The following DYNC1H1 variants were observed in gnomAD, a reference collection of about 807,000 sequenced individuals.
DYNC1H1 encodes cytoplasmic dynein 1 heavy chain 1.
Under a neutral mutation model 527.1 loss-of-function variants are expected in DYNC1H1, and 51 were observed. The ratio of observed to expected loss-of-function variants is 0.10; its 90% CI spans 0.08 to 0.12. DYNC1H1 has a LOEUF of 0.12. DYNC1H1 is among the 10% of genes least tolerant of loss of function. DYNC1H1 has a pLI of 1.00. For synonymous variants in DYNC1H1, 2,189 were observed against 2,278.8 expected, an observed-to-expected ratio of 0.96 and a Z score of 1.12; for missense variants, 2,771 against 5,971.8, an observed-to-expected ratio of 0.46 and a Z score of 17.66.
At chr14:101,982,947 A>G in intron 5 of DYNC1H1, 72 bp from the exon 6 acceptor site, 1 of 1,556,096 alleles carries the variant, frequency 6.4e-7, no homozygotes, top group Non-Finnish European at 8.8e-7. Context: ...GTTCCATTGT[A>G]ATGGCATATT....
In DYNC1H1 at chr14:102,039,764, A is replaced by G. The variant is rs1191116484; in HGVS notation, c.11690+32A>G. 1.6e-5 allele frequency: 26 copies of G among 1,611,586 alleles called. No individual in the cohort carries two copies. The highest frequency in any genetic ancestry group is 2.2e-5 in the East Asian group (1 of 44,886). On this transcript the variant is annotated intron_variant, in intron 62 of 77. Coordinates refer to ENST00000360184, the MANE Select transcript of DYNC1H1 (RefSeq NM_001376.5). The surrounding 1 kb of genome is among the most constrained non-coding windows in gnomAD (Gnocchi z 7.0). The stretch of plus-strand genomic sequence containing the variant: ...GCACTCACGCCCACAGGAGGATGCC[A>G]TATTGCTGGTGGCCCCCAAGGGTTT...
chr14:102,042,069 A>T lies in DYNC1H1; in HGVS notation c.12159A>T (p.Gly4053=), dbSNP rs115992196. The T allele has an allele frequency of 1.6e-3, 2,553 of 1,614,074 alleles. 37 individuals are homozygous for T. The African/African-American group carries it at 0.031, about 20-fold the overall frequency. The change falls in exon 66 of 78, where the codon GGA becomes GGT. Residue 4053 remains glycine, a synonymous_variant. Transcript: ENST00000360184. The surrounding 1 kb of genome is among the most constrained non-coding windows in gnomAD (Gnocchi z 5.7). ...MCSVPGYDAS[G]HVEDLAAEQN... ...CTGTGCCTGGTTATGATGCCAGTGG[A>T]CATGTCGAGGACCTTGCAGCCGAGC...
chr14:102,021,229 T>C (rs1400232033), intron 42 of DYNC1H1, among the ~76,000 whole-genome samples: 2 of 151,950 alleles, frequency 1.3e-5, no homozygotes, highest in African/African-American at 4.8e-5. Context: ...AATAAAAAAT[T>C]AGCCAGGTGT....
At chr14:102,009,306 C>T (rs2048232174) in intron 29 of DYNC1H1, 1 of 160,848 alleles carries the variant, frequency 6.2e-6, no homozygotes, top group Admixed American at 6.0e-5. Flanking sequence ...GGAGAATTCC[C>T]CAGACCTCCT....
rs954436075 is a variant in DYNC1H1, at chr14:101,987,172, CGT to C, written c.2539-280_2539-279del. ...GGCACAGGAGGAGCTTAACAGAGCA[CGT>C]TTACTTCCTTCTCCCAGATTTACCC... On this transcript the variant is annotated intron_variant, in intron 8 of 77. Coordinates refer to ENST00000360184, the MANE Select transcript of DYNC1H1 (RefSeq NM_001376.5). Among the ~76,000 whole-genome samples the C allele has an allele frequency of 1.2e-3, 189 of 152,354 alleles. 1 individual carries two copies. Among genetic ancestry groups the C allele is most frequent in the Non-Finnish European group, 1.9e-3 (132 of 68,034 alleles).
At chr14:102,046,326 A>G (rs970275159) in intron 72 of DYNC1H1, among the ~76,000 whole-genome samples, 4 of 152,218 alleles carry the variant, frequency 2.6e-5, no homozygotes, top group African/African-American at 9.6e-5. Context: ...TATGGGAAAA[A>G]GTCACGAAAA....
In DYNC1H1 at chr14:101,991,646, C is replaced by T; in HGVS notation, c.2988C>T (p.Leu996=). 1 of 1,614,132 alleles carries T rather than the reference C, an allele frequency of 6.2e-7. No homozygotes were observed. Among genetic ancestry groups the T allele is most frequent in the Non-Finnish European group, 8.5e-7 (1 of 1,180,026 alleles). The change falls in exon 11 of 78, where the codon CTC becomes CTT. Residue 996 remains leucine (L), a synonymous_variant. Transcript: ENST00000360184. ...CCTGGAAGATGGTTGTACTGTCTCT[C>T]CCCAGGATCCAGAGTCAGAGGTACC... The part of the protein sequence containing the change: ...MFAWKMVVLS[L]PRIQSQRYQV...
At chr14:102,028,439 C>T in intron 48 of DYNC1H1, 1 of 387,214 alleles carries the variant, frequency 2.6e-6, no homozygotes, top group Non-Finnish European at 4.9e-6. Context: ...CACTTAAGCC[C>T]AGGAGGCAGA....
chr14:102,003,411 A>G (rs2749895), intron 23 of DYNC1H1, among the ~76,000 whole-genome samples: 31,191 of 151,628 alleles, frequency 0.21, 4,293 homozygotes, highest in African/African-American at 0.38. Context: ...ACAGGTGCCC[A>G]CCACCACACC....
rs1271533090 is a variant in DYNC1H1, at chr14:102,015,066, A to C, written c.7015-39A>C. The C allele has an allele frequency of 6.2e-7, 1 of 1,611,280 alleles. No individual in the cohort carries two copies. The highest frequency in any genetic ancestry group is 8.5e-7 in the Non-Finnish European group (1 of 1,177,590). On this transcript the variant is annotated intron_variant, in intron 34 of 77. Coordinates refer to ENST00000360184, the MANE Select transcript of DYNC1H1 (RefSeq NM_001376.5). The surrounding 1 kb of genome is among the most constrained non-coding windows in gnomAD (Gnocchi z 6.9). ...AATCTTAATGTCCAGGTTTCTTCCA[A>C]ACCTATGTCATTAAATCTGCTTAAT...
Position 101,979,398 on chromosome 14 carries a change from G to A in DYNC1H1, c.424G>A (p.Glu142Lys). The A allele has an allele frequency of 6.2e-7, 1 of 1,614,210 alleles. No individual in the cohort carries two copies. Among genetic ancestry groups the A allele is most frequent in the Non-Finnish European group, 8.5e-7 (1 of 1,180,044 alleles). ...SSQLRVLTLSEDSPYETLHSF... is the reference protein window; with the variant it reads ...SSQLRVLTLSKDSPYETLHSF... ...TCAGCTCCGGGTCCTTACACTCAGT[G>A]AAGACTCGCCCTACGAAACTTTGCA... Residue 142 changes from glutamate (E) to lysine (K), a missense_variant, in exon 3 of 78, where the codon GAA becomes AAA. This residue lies in a region of DYNC1H1 where 146 missense variants were observed against 288.1 expected (regional missense o/e 0.51). Transcript: ENST00000360184. This position sits in a 1 kb window ranked among gnomAD's most constrained non-coding sequence, Gnocchi z 4.6.
intron 17 of DYNC1H1, 25 bp downstream of exon 17, chr14:102,000,169 G>A: frequency 6.2e-7 from 1 of 1,614,122 alleles, no homozygotes. Context: ...GGAGTGGGTG[G>A]AGAATCCCGC....
intron 72 of DYNC1H1, among the ~76,000 whole-genome samples, chr14:102,046,945 C>T (rs1470947616): frequency 6.3e-5 from 9 of 143,432 alleles, no homozygotes; most frequent in African/African-American, 9.8e-5. Context: ...ACCACAGGTG[C>T]CACCACCACA....
rs1177773893 is a variant in DYNC1H1, at chr14:102,017,316, C to T, written c.8055+22C>T. The T allele has an allele frequency of 2.5e-6, 4 of 1,614,096 alleles. No homozygotes were observed. The highest frequency in any genetic ancestry group is 2.2e-5 in the East Asian group (1 of 44,898). On this transcript the variant is annotated intron_variant, in intron 39 of 77. Transcript: ENST00000360184. The surrounding 1 kb of genome is among the most constrained non-coding windows in gnomAD (Gnocchi z 4.6). ...ACAGGTTTGTTTCTATCCACAAGGCCCTTCCTGCCCCACAATGTTTCTTGT... is the reference window on the plus strand; with the variant it reads ...ACAGGTTTGTTTCTATCCACAAGGCTCTTCCTGCCCCACAATGTTTCTTGT...
chr14:102,036,779 A>G lies in DYNC1H1; in HGVS notation c.10908+137A>G, dbSNP rs1372847176. 11 of 1,179,744 alleles carry G rather than the reference A, an allele frequency of 9.3e-6. No individual in the cohort carries two copies. The highest frequency in any genetic ancestry group is 1.1e-5 in the Non-Finnish European group (9 of 800,268). The allele number at this position is 1,179,744 out of a possible 1,614,324, so 73.1% of individuals were successfully genotyped here. Reference sequence around the variant, plus strand: ...AAGCTTTGCGGTGGTTCTGTAATAGATAAATTCAACAGAATCATTATTTGC... The same window carrying G: ...AAGCTTTGCGGTGGTTCTGTAATAGGTAAATTCAACAGAATCATTATTTGC... On this transcript the variant is annotated intron_variant, in intron 57 of 77. Coordinates refer to ENST00000360184, the MANE Select transcript of DYNC1H1 (RefSeq NM_001376.5). This position sits in a 1 kb window ranked among gnomAD's most constrained non-coding sequence, Gnocchi z 5.6.
chr14:102,002,108 G>T lies in DYNC1H1; in HGVS notation c.4542+427G>T, dbSNP rs866761287. The stretch of plus-strand genomic sequence containing the variant: ...TTTTTGTTTGTTTGCTTGCTTTTTT[G>T]TTTTTTTTTTTTCTTTTTTTGAGAT... On this transcript the variant is annotated intron_variant, in intron 21 of 77. Coordinates refer to ENST00000360184, the MANE Select transcript of DYNC1H1 (RefSeq NM_001376.5). The surrounding 1 kb of genome is among the most constrained non-coding windows in gnomAD (Gnocchi z 4.4). 1.7e-4 allele frequency among the ~76,000 whole-genome samples: 24 copies of T among 141,622 alleles called. No homozygotes were observed. The highest frequency in any genetic ancestry group is 4.6e-4 in the African/African-American group (18 of 38,732). 92.9% of individuals were successfully genotyped at this position (141,622 alleles called of 152,430 possible).
At chr14:101,976,556 A>G (rs1050345194) in intron 2 of DYNC1H1, among the ~76,000 whole-genome samples, 1 of 152,136 alleles carries the variant, frequency 6.6e-6, no homozygotes, top group African/African-American at 2.4e-5. Flanking sequence ...AAAGAAAAAA[A>G]AAAAAGGAAA....
rs1567012380 is a variant in DYNC1H1 at position 102,016,126 on chromosome 14, G to GC, written c.7473+42dup. The stretch of plus-strand genomic sequence containing the variant: ...GGGGCTTCACAGAGCTCACCACTGC[G>GC]CCAGACCACAGGTCTGAGGACCTCT... On this transcript the variant is annotated intron_variant, in intron 36 of 77. Transcript: ENST00000360184. This position sits in a 1 kb window ranked among gnomAD's most constrained non-coding sequence, Gnocchi z 7.3. The GC allele has an allele frequency of 1.3e-6, 2 of 1,567,696 alleles. No homozygotes were observed. The highest frequency in any genetic ancestry group is 8.6e-7 in the Non-Finnish European group (1 of 1,156,612).
At chr14:102,037,941 AGTGTGGTAGCCACTAGCCTTGGGG>A (rs1269077706) in intron 57 of DYNC1H1, 1 of 261,594 alleles carries the variant, frequency 3.8e-6, no homozygotes, top group Non-Finnish European at 7.4e-6. Flanking sequence ...CACACTGTCC[AGTGTGGTAGCCACTAGCCTTGGGG>A]GCTACTGAGC....
Sources: allele counts gnomAD v4.1 joint callset (sites outside exome capture counted in the v4.1 genomes callset), GRCh38; gene constraint gnomAD v4.1.1; regional missense constraint gnomAD v4.1.1; non-coding constraint Gnocchi (gnomAD v3.1); transcripts MANE v1.5; gene names NCBI Gene and HGNC (gene_info 2026-07-23, HGNC 2026-07-21).